C11orf65: variants seen among roughly 807,000 people sequenced by gnomAD.
The protein encoded by C11orf65 is protein MFI.
C11orf65 carries 38 observed loss-of-function variants against 35.3 expected under a neutral mutation model. The ratio of observed to expected loss-of-function variants is 1.08; its 90% confidence interval spans 0.83 to 1.41. The LOEUF (loss-of-function observed/expected upper bound fraction) is 1.41. Among genes scored for constraint, C11orf65 ranks in the 40% most tolerant of loss-of-function variants. C11orf65 has a pLI of 0.00. For missense variants in C11orf65, 370 were observed against 367.1 expected, an observed-to-expected ratio of 1.01 and a Z score of -0.06; for synonymous variants, 105 against 114.4, an observed-to-expected ratio of 0.92 and a Z score of 0.53.
intron 6 of C11orf65, among the ~76,000 whole-genome samples, chr11:108,310,514 T>C (rs1046144001): frequency 6.6e-6 from 1 of 152,198 alleles, no homozygotes; most frequent in African/African-American, 2.4e-5. Context: ...GAATGCTTAT[T>C]ACTTAGGTAT....
intron 2 of C11orf65, among the ~76,000 whole-genome samples, chr11:108,371,759 G>A (rs2091582502): frequency 6.6e-6 from 1 of 152,116 alleles, no homozygotes; most frequent in Non-Finnish European, 1.5e-5. Flanking sequence ...AAACGGAATT[G>A]TTGGATCATA....
intron 2 of C11orf65, among the ~76,000 whole-genome samples, chr11:108,446,224 G>C (rs1166363041): frequency 6.6e-6 from 1 of 151,882 alleles, no homozygotes; most frequent in East Asian, 1.9e-4. Context: ...TATTATCCAG[G>C]AGAACTTCCC....
At chr11:108,442,114 T>C (rs2093163901) in intron 2 of C11orf65, among the ~76,000 whole-genome samples, 1 of 151,770 alleles carries the variant, frequency 6.6e-6, no homozygotes, top group Admixed American at 6.6e-5. Flanking sequence ...GAAGAAACAG[T>C]GTAGAGAAGA....
At chr11:108,421,105 A>G (rs1258220452) in intron 3 of C11orf65, among the ~76,000 whole-genome samples, 1 of 152,180 alleles carries the variant, frequency 6.6e-6, no homozygotes, top group Non-Finnish European at 1.5e-5. Context: ...ACACCTGGCA[A>G]GCACTAGTCG....
At chr11:108,367,758 A>G in intron 2 of C11orf65, 1 of 217,052 alleles carries the variant, frequency 4.6e-6, no homozygotes, top group African/African-American at 2.2e-5. Flanking sequence ...TTTGGACTAT[A>G]AATTTCTTGG....
intron 2 of C11orf65, among the ~76,000 whole-genome samples, chr11:108,439,461 C>T (rs540752407): frequency 6.6e-6 from 1 of 152,300 alleles, no homozygotes; most frequent in South Asian, 2.1e-4. Flanking sequence ...CATAATCCAG[C>T]AATTCCACTT....
At chr11:108,320,843 T>C (rs2085151329) in intron 6 of C11orf65, among the ~76,000 whole-genome samples, 5 of 152,202 alleles carry the variant, frequency 3.3e-5, no homozygotes, top group Admixed American at 2.0e-4. Context: ...ACCAGAAGCC[T>C]TACCAATAAC....
At chr11:108,430,127 CTTTTTTTT>C (rs34005627) in intron 3 of C11orf65, among the ~76,000 whole-genome samples, 3 of 113,434 alleles carry the variant, frequency 2.6e-5, no homozygotes, top group Non-Finnish European at 5.4e-5. Context: ...GAACTGTATT[CTTTTTTTT>C]TTTTTTTTTT....
intron 2 of C11orf65, among the ~76,000 whole-genome samples, chr11:108,375,084 C>T (rs1483544381): frequency 2.0e-5 from 3 of 152,292 alleles, no homozygotes; most frequent in African/African-American, 7.2e-5. Flanking sequence ...TCCAGGAGAA[C>T]TTCCCCAATC....
intron 2 of C11orf65, among the ~76,000 whole-genome samples, chr11:108,459,770 C>CACACACACACACCT (rs3221698): frequency 1.4e-5 from 2 of 140,506 alleles, no homozygotes; most frequent in African/African-American, 2.6e-5. Context: ...CACACACACA[C>CACACACACACACCT]CTCTTTATTT....
downstream of C11orf65, among the ~76,000 whole-genome samples, chr11:108,381,226 C>G (rs1214220498): frequency 3.3e-5 from 5 of 152,258 alleles, no homozygotes; most frequent in East Asian, 9.7e-4. Context: ...GTTGGCCCCT[C>G]TCACCACTAC....
intron 2 of C11orf65, among the ~76,000 whole-genome samples, chr11:108,341,641 G>A (rs986670124): frequency 6.6e-6 from 1 of 152,096 alleles, no homozygotes; most frequent in Non-Finnish European, 1.5e-5. Context: ...ATAAGGACGA[G>A]TGACCAGCTG....
chr11:108,458,278 C>G (rs1010720359), intron 2 of C11orf65, among the ~76,000 whole-genome samples: 1 of 142,000 alleles, frequency 7.0e-6, no homozygotes, highest in Non-Finnish European at 1.5e-5. Flanking sequence ...GGCTGAGGCA[C>G]GAGAATCACT....
intron 2 of C11orf65, among the ~76,000 whole-genome samples, chr11:108,344,927 C>T (rs1172162894): frequency 6.6e-6 from 1 of 151,880 alleles, no homozygotes; most frequent in Non-Finnish European, 1.5e-5. Flanking sequence ...TTGCTTGAGC[C>T]CAGGGGCCAA....
chr11:108,355,108 C>G (rs910275078), intron 2 of C11orf65: 2 of 527,346 alleles, frequency 3.8e-6, no homozygotes, highest in Non-Finnish European at 6.8e-6. Flanking sequence ...TGTAAGTAGT[C>G]TCTAGTTTTC....
intron 2 of C11orf65, chr11:108,335,388 A>T: frequency 2.2e-6 from 2 of 908,606 alleles, no homozygotes; most frequent in Non-Finnish European, 3.1e-6. Context: ...ATGAAAAAAA[A>T]TACTTTGGTG....
intron 6 of C11orf65, among the ~76,000 whole-genome samples, chr11:108,312,030 A>T (rs1204701489): frequency 1.3e-5 from 2 of 152,182 alleles, no homozygotes; most frequent in Non-Finnish European, 2.9e-5. Flanking sequence ...GTTAAGTATT[A>T]AATTCTGTCT....
chr11:108,327,326 G>A (rs1182700350), downstream of C11orf65: 1 of 314,496 alleles, frequency 3.2e-6, no homozygotes, highest in Non-Finnish European at 6.1e-6. Context: ...GGTAATAATA[G>A]TACTTATTTA....
At chr11:108,332,106 A>G in intron 3 of C11orf65, 1 of 1,576,520 alleles carries the variant, frequency 6.3e-7, no homozygotes, top group Non-Finnish European at 8.6e-7. Context: ...ATTTCTTTTT[A>G]AAATCTTGTG....
Sources: allele counts gnomAD v4.1 joint callset (sites outside exome capture counted in the v4.1 genomes callset), GRCh38; gene constraint gnomAD v4.1.1; transcripts MANE v1.5; gene names NCBI Gene and HGNC (gene_info 2026-07-23, HGNC 2026-07-21).